Variants in PHF12 observed in about 807,000 individuals in gnomAD.
The protein encoded by PHF12 is PHD finger protein 12, also known as PHD factor 1.
A neutral mutation model predicts 99.8 loss-of-function variants in PHF12; 6 were observed. The observed-to-expected ratio is 0.06, with a 90% CI of 0.03 to 0.12. The LOEUF is 0.12. Among genes scored for constraint, PHF12 ranks in the 10% least tolerant of loss-of-function variants. The pLI is 1.00. For missense variants in PHF12, 954 were observed against 1,300.1 expected (o/e 0.73, Z 4.09); for synonymous variants, 480 against 514.9 (o/e 0.93, Z 0.92).
intron 5 of PHF12, among the ~76,000 whole-genome samples, chr17:28,919,914 T>G (rs2040132173): frequency 5.9e-5 from 9 of 152,176 alleles, no homozygotes; most frequent in Admixed American, 5.2e-4. Flanking sequence ...TGCTCAGTAC[T>G]CACTAGGGGA....
chr17:28,919,503 T>G (rs2040121872), intron 5 of PHF12, among the ~76,000 whole-genome samples: 1 of 152,106 alleles, frequency 6.6e-6, no homozygotes, highest in Non-Finnish European at 1.5e-5. Context: ...GAGGCCGAGG[T>G]GGGCGGATTG....
At chr17:28,921,529 T>C (rs890775805) in intron 5 of PHF12, among the ~76,000 whole-genome samples, 159 bp downstream of exon 5, 6 of 152,146 alleles carry the variant, frequency 3.9e-5, no homozygotes, top group African/African-American at 1.2e-4. Context: ...CACATACACA[T>C]TCAAGGCTCT....
intron 2 of PHF12, among the ~76,000 whole-genome samples, chr17:28,930,249 T>C (rs149278350): frequency 4.1e-4 from 63 of 152,346 alleles, no homozygotes; most frequent in African/African-American, 1.3e-3. Context: ...AAGTCACGTA[T>C]TCTTTCCAGG....
chr17:28,914,108 T>C (rs2040018635), intron 7 of PHF12, 71 bp from the exon 8 acceptor site: 1 of 1,479,304 alleles, frequency 6.8e-7, no homozygotes, highest in Non-Finnish European at 9.3e-7. Context: ...TCTGCCCTGG[T>C]ATGCTGTTCT....
chr17:28,917,223 CCT>C (rs1255324259), intron 7 of PHF12, 60 bp downstream of exon 7: 4 of 1,605,826 alleles, frequency 2.5e-6, no homozygotes, highest in Non-Finnish European at 3.4e-6. Context: ...GGACAGTGAT[CCT>C]CTGTCTAACC....
At chr17:28,926,675 A>T in intron 3 of PHF12, 1 of 839,762 alleles carries the variant, frequency 1.2e-6, no homozygotes, top group Non-Finnish European at 1.7e-6. Context: ...CTGGAGAAGC[A>T]GCCTTTGTTT....
intron 2 of PHF12, among the ~76,000 whole-genome samples, chr17:28,941,214 G>C (rs2040610539): frequency 6.6e-6 from 1 of 152,096 alleles, no homozygotes; most frequent in African/African-American, 2.4e-5. Flanking sequence ...CCCTGTGTTG[G>C]GGTTGGGACA....
intron 7 of PHF12, among the ~76,000 whole-genome samples, chr17:28,915,638 G>A (rs1275316932): frequency 6.6e-6 from 1 of 152,144 alleles, no homozygotes; most frequent in African/African-American, 2.4e-5. Flanking sequence ...GGTAAGAACA[G>A]GATACCCCTG....
intron 6 of PHF12, 37 bp downstream of exon 6, chr17:28,919,106 T>C: frequency 6.3e-7 from 1 of 1,596,286 alleles, no homozygotes; most frequent in Non-Finnish European, 8.6e-7. Context: ...GCTCCAGCTA[T>C]GCCCATTGAG....
intron 2 of PHF12, chr17:28,927,836 C>T (rs1021647513): frequency 1.3e-5 from 2 of 152,226 alleles, no homozygotes; most frequent in Non-Finnish European, 2.9e-5. Flanking sequence ...TTGGGCTGGG[C>T]GTGGTGGCTC....
intron 2 of PHF12, among the ~76,000 whole-genome samples, chr17:28,946,817 C>G (rs1861355550): frequency 6.6e-6 from 1 of 152,186 alleles, no homozygotes; most frequent in African/African-American, 2.4e-5. Flanking sequence ...GGATTACAGG[C>G]ATGAGCCACC....
chr17:28,906,188 G>A lies in PHF12; in HGVS notation c.3010C>T (p.Pro1004Ser). The A allele has an allele frequency of 6.3e-7, 1 of 1,583,628 alleles. No homozygotes were observed. Among genetic ancestry groups the A allele is most frequent in the Non-Finnish European group, 8.6e-7 (1 of 1,159,828 alleles). Residue 1004 changes from proline to serine, a missense_variant, in exon 15 of 15, where the codon CCT becomes TCT. Around this residue, in one of 8 missense-constraint regions of PHF12, gnomAD observed 136 missense variants for 172.3 expected, o/e 0.79. Transcript: ENST00000332830. The surrounding 1 kb of genome is among the most constrained non-coding windows in gnomAD (Gnocchi z 4.2). ...QGPVLRSNSV[P>S] ...TGGCGGGGTAGCCGCCAGTCCTAAG[G>A]AACAGAGTTGGAGCGCAGCACAGGG... is the stretch of plus-strand genomic sequence containing the variant.
At position 28,949,135 on chromosome 17, in the gene PHF12, C is replaced by T. The variant is rs927936941; in HGVS notation, c.248+930G>A. On this transcript the variant is annotated intron_variant, in intron 2 of 14. Coordinates refer to ENST00000332830, the MANE Select transcript of PHF12 (RefSeq NM_001033561.2). The surrounding 1 kb of genome is among the most constrained non-coding windows in gnomAD (Gnocchi z 4.6). ...AAGCGTACGGCTTTCCAGCTCTCAG[C>T]TCCTTAAAAATGCCTTTCTAGTGCC... is the stretch of plus-strand genomic sequence containing the variant. Among the ~76,000 whole-genome samples the T allele has an allele frequency of 2.0e-5, 3 of 152,202 alleles. No individual in the cohort carries two copies. The highest frequency in any genetic ancestry group is 7.2e-5 in the African/African-American group (3 of 41,436).
intron 6 of PHF12, among the ~76,000 whole-genome samples, chr17:28,918,447 G>C (rs1311516336): frequency 1.3e-5 from 2 of 152,314 alleles, no homozygotes; most frequent in South Asian, 2.1e-4. Context: ...GTCTTTAACC[G>C]AGGTTCCTCT....
Position 28,949,495 on chromosome 17 carries a change from G to A in PHF12, c.248+570C>T, listed in dbSNP as rs1463671505. On this transcript the variant is annotated intron_variant, in intron 2 of 14. Transcript: ENST00000332830. The surrounding 1 kb of genome is among the most constrained non-coding windows in gnomAD (Gnocchi z 4.6). ...TGCAAATCATATATGCAGCCAAAAT[G>A]GCGCTGAGAATAAAAATATAATTTA... 6.6e-6 allele frequency among the ~76,000 whole-genome samples: 1 copy of A among 152,196 alleles called. No homozygotes were observed. The highest frequency in any genetic ancestry group is 1.5e-5 in the Non-Finnish European group (1 of 68,028).
intron 2 of PHF12, among the ~76,000 whole-genome samples, chr17:28,946,984 A>AT (rs199531084): frequency 4.1e-4 from 60 of 147,412 alleles, no homozygotes; most frequent in East Asian, 7.9e-4. Context: ...TAATAGGACA[A>AT]TTTTTTTTTT....
In PHF12 at chr17:28,911,082, C is replaced by T. The variant is rs9890826; in HGVS notation, c.2215+30G>A. On this transcript the variant is annotated intron_variant, in intron 10 of 14. Coordinates refer to ENST00000332830, the MANE Select transcript of PHF12 (RefSeq NM_001033561.2). Reference sequence around the variant, plus strand: ...GGAATAGCACCTTCAACATAGCAAACGGTGGAACAGCAGCAGCTCATTCAC... The same window carrying T: ...GGAATAGCACCTTCAACATAGCAAATGGTGGAACAGCAGCAGCTCATTCAC... The T allele has an allele frequency of 2.8e-3, 4,513 of 1,613,510 alleles. 33 individuals carry two copies. In the African/African-American group the frequency reaches 0.03, roughly 11 times the overall value.
intron 12 of PHF12, chr17:28,907,877 T>C (rs967637245): frequency 1.7e-5 from 8 of 474,348 alleles, no homozygotes; most frequent in Non-Finnish European, 3.1e-5. Flanking sequence ...CAGCTGTCCC[T>C]GCCAGCTGAT....
Position 28,919,119 on chromosome 17 carries a change from C to T in PHF12, c.969+24G>A, listed in dbSNP as rs780926206. 7.5e-6 allele frequency: 12 copies of T among 1,605,502 alleles called. No homozygotes were observed. In the South Asian group the frequency reaches 1.2e-4, roughly 16 times the overall value. ...ACGCTCCAGCTATGCCCATTGAGGACTGAATGGACACTGCTGTGCTTACCA... is the reference window on the plus strand; with the variant it reads ...ACGCTCCAGCTATGCCCATTGAGGATTGAATGGACACTGCTGTGCTTACCA... On this transcript the variant is annotated intron_variant, in intron 6 of 14. Coordinates refer to ENST00000332830, the MANE Select transcript of PHF12 (RefSeq NM_001033561.2).
Sources: gnomAD v4.1 joint callset for allele counts (sites outside exome capture counted in the v4.1 genomes callset) on GRCh38, gnomAD v4.1.1 for gene constraint, gnomAD v4.1.1 regional missense constraint, Gnocchi (gnomAD v3.1) non-coding constraint, MANE v1.5 for transcripts, NCBI Gene and HGNC (gene_info 2026-07-23, HGNC 2026-07-21) for gene names.